CDH18: variants seen among roughly 807,000 people sequenced by gnomAD.
The protein encoded by CDH18 is cadherin-18.
CDH18 carries 31 observed loss-of-function variants against 67.9 expected under a neutral mutation model. The observed-to-expected ratio is 0.46, with a 90% CI of 0.34 to 0.62. CDH18 has a LOEUF of 0.62. Among genes scored for constraint, CDH18 ranks in the 20% least tolerant of loss-of-function variants. CDH18 has a pLI of 0.01. For synonymous variants in CDH18, 362 were observed against 347.2 expected, an observed-to-expected ratio of 1.04 and a Z score of -0.48; for missense variants, 890 against 975.5, an observed-to-expected ratio of 0.91 and a Z score of 1.17.
intron 3 of CDH18, among the ~76,000 whole-genome samples, chr5:19,794,443 A>G (rs1194446296): frequency 6.6e-6 from 1 of 152,064 alleles, no homozygotes; most frequent in Non-Finnish European, 1.5e-5. Flanking sequence ...AGTTCTTTTT[A>G]CTTGTATTGA....
intron 1 of CDH18, among the ~76,000 whole-genome samples, chr5:20,560,468 TACACACACACACAC>T (rs547246325): frequency 1.6e-4 from 20 of 127,698 alleles, no homozygotes; most frequent in East Asian, 1.3e-3. Context: ...CCAACACTCA[TACACACACACACAC>T]ACACACACAC....
At chr5:20,485,480 A>C (rs1329851949) in intron 1 of CDH18, among the ~76,000 whole-genome samples, 1 of 152,206 alleles carries the variant, frequency 6.6e-6, no homozygotes, top group Non-Finnish European at 1.5e-5. Flanking sequence ...TAAATATGTT[A>C]ATTGTGTGTA....
intron 7 of CDH18, among the ~76,000 whole-genome samples, chr5:19,580,553 G>T (rs1477888407): frequency 1.3e-5 from 2 of 151,746 alleles, no homozygotes; most frequent in Non-Finnish European, 2.9e-5. Context: ...CTATTACATG[G>T]TTTAGATTTG....
At chr5:19,576,391 CA>C (rs148894296) in intron 7 of CDH18, among the ~76,000 whole-genome samples, 238 of 147,882 alleles carry the variant, frequency 1.6e-3, no homozygotes, top group South Asian at 3.2e-3. Flanking sequence ...TCAAACTACT[CA>C]AAAAAAAAAT....
chr5:20,546,060 A>G (rs1165270333), intron 1 of CDH18, among the ~76,000 whole-genome samples: 1 of 152,072 alleles, frequency 6.6e-6, no homozygotes, highest in African/African-American at 2.4e-5. Context: ...TCAAAGTTCC[A>G]CAGATCTCTA....
intron 2 of CDH18, among the ~76,000 whole-genome samples, chr5:19,885,819 C>T (rs976717712): frequency 6.6e-6 from 1 of 152,120 alleles, no homozygotes; most frequent in Admixed American, 6.6e-5. Flanking sequence ...TGCTAATATG[C>T]AATGAGTTGT....
chr5:20,379,430 T>C (rs1173102402), intron 1 of CDH18, among the ~76,000 whole-genome samples: 1 of 152,100 alleles, frequency 6.6e-6, no homozygotes, highest in Admixed American at 6.6e-5. Context: ...CCTCAAAAAA[T>C]ACAGTCACAA....
chr5:19,759,435 C>T (rs1335019864), intron 3 of CDH18, among the ~76,000 whole-genome samples: 4 of 152,146 alleles, frequency 2.6e-5, no homozygotes, highest in African/African-American at 9.7e-5. Flanking sequence ...CTCAACCTAC[C>T]AGTCAGGGAG....
At chr5:19,551,437 C>T (rs1737429651) in intron 8 of CDH18, among the ~76,000 whole-genome samples, 1 of 152,094 alleles carries the variant, frequency 6.6e-6, no homozygotes, top group South Asian at 2.1e-4. Context: ...ACCAAGCAAA[C>T]CTGTTAATCA....
intron 1 of CDH18, among the ~76,000 whole-genome samples, chr5:20,459,311 A>G (rs1046046116): frequency 6.6e-5 from 10 of 152,176 alleles, no homozygotes; most frequent in Non-Finnish European, 8.8e-5. Flanking sequence ...CCATAACACA[A>G]TGATGTGCAA....
chr5:20,409,976 A>G (rs922676702), intron 1 of CDH18, among the ~76,000 whole-genome samples: 1 of 151,766 alleles, frequency 6.6e-6, no homozygotes, highest in Non-Finnish European at 1.5e-5. Context: ...TTATAATAAG[A>G]AGATTAAGTC....
At chr5:19,986,267 C>T (rs1799547735) in intron 1 of CDH18, among the ~76,000 whole-genome samples, 1 of 152,160 alleles carries the variant, frequency 6.6e-6, no homozygotes, top group South Asian at 2.1e-4. Context: ...GGTGCTATTG[C>T]TCATACTTGT....
Position 20,430,817 on chromosome 5 carries a change from A to G in CDH18, c.-580+144645T>C, listed in dbSNP as rs556233590. 5.3e-5 allele frequency among the ~76,000 whole-genome samples: 8 copies of G among 152,308 alleles called. No homozygotes were observed. In the South Asian group the frequency reaches 1.4e-3, roughly 28 times the overall value. On this transcript the variant is annotated intron_variant, in intron 1 of 14. Coordinates refer to the CDH18 transcript ENST00000507958. ...AGTATTTAATTTATTTTCTCCTTTC[A>G]AATCAGAATCTTTCAGATTTTCTAT...
At chr5:20,003,527 TTG>T (rs1354101946) in intron 2 of CDH18, among the ~76,000 whole-genome samples, 1 of 152,164 alleles carries the variant, frequency 6.6e-6, no homozygotes, top group African/African-American at 2.4e-5. Flanking sequence ...TCTCAATTAT[TTG>T]TCTCTTCCCT....
intron 1 of CDH18, among the ~76,000 whole-genome samples, chr5:20,414,671 T>A (rs1747126050): frequency 6.6e-6 from 1 of 152,082 alleles, no homozygotes; most frequent in South Asian, 2.1e-4. Context: ...GAACAAAATA[T>A]ATGAATTTTT....
At chr5:20,390,305 G>A (rs1040335268) in intron 1 of CDH18, among the ~76,000 whole-genome samples, 6 of 151,828 alleles carry the variant, frequency 4.0e-5, no homozygotes, top group African/African-American at 1.5e-4. Flanking sequence ...AAAAACAAAC[G>A]ACTCCATCAA....
intron 12 of CDH18, among the ~76,000 whole-genome samples, chr5:19,480,612 C>T (rs1477085907): frequency 1.3e-5 from 2 of 152,070 alleles, no homozygotes; most frequent in Non-Finnish European, 2.9e-5. Flanking sequence ...CCCCTGACCT[C>T]GTGATGCGCC....
At chr5:20,282,356 T>C (rs1251848143) in intron 1 of CDH18, among the ~76,000 whole-genome samples, 1 of 152,198 alleles carries the variant, frequency 6.6e-6, no homozygotes, top group East Asian at 1.9e-4. Context: ...GGGTTTGTCA[T>C]AAATAGCTCT....
chr5:20,082,532 C>T (rs1426078026), intron 2 of CDH18, among the ~76,000 whole-genome samples: 1 of 152,036 alleles, frequency 6.6e-6, no homozygotes, highest in Middle Eastern at 3.2e-3. Flanking sequence ...TACTTTGGGG[C>T]CATTTCAGTT....
Sources: gnomAD v4.1 joint callset for allele counts (sites outside exome capture counted in the v4.1 genomes callset) on GRCh38, gnomAD v4.1.1 for gene constraint, MANE v1.5 for transcripts, NCBI Gene and HGNC (gene_info 2026-07-23, HGNC 2026-07-21) for gene names.